PLBD2: variants seen among roughly 807,000 people sequenced by gnomAD.
The protein encoded by PLBD2 is phospholipase B domain containing 2, also known as putative aminopeptidase PLBD2.
In PLBD2, 51 loss-of-function variants were observed where a neutral mutation model predicts 68.3. The ratio of observed to expected loss-of-function variants is 0.75; its 90% confidence interval spans 0.60 to 0.94. The LOEUF (loss-of-function observed/expected upper bound fraction) is 0.94, where lower values mean the gene tolerates loss of function less well. Among genes scored for constraint, PLBD2 ranks in the 40% least tolerant of loss-of-function variants. The pLI, the probability that PLBD2 is intolerant of heterozygous loss-of-function variation, is 0.00. For synonymous variants in PLBD2, 314 were observed against 339.3 expected (o/e 0.93, Z 0.82); for missense variants, 729 against 792.2 (o/e 0.92, Z 0.96).
At chr12:113,359,325 C>T (rs1286676239) in intron 1 of PLBD2, 1 of 160,184 alleles carries the variant, frequency 6.2e-6, no homozygotes, top group Non-Finnish European at 1.4e-5. Flanking sequence ...GAGACTAATT[C>T]TTACCTGCTT....
At chr12:113,369,230 A>G (rs1957367632) in intron 2 of PLBD2, 21 bp downstream of exon 2, 2 of 1,567,556 alleles carry the variant, frequency 1.3e-6, no homozygotes, top group Admixed American at 1.9e-5. Flanking sequence ...AGGTGGGGAC[A>G]TGGGGCTCCC....
intron 2 of PLBD2, among the ~76,000 whole-genome samples, chr12:113,371,721 G>T (rs1957390365): frequency 6.6e-6 from 1 of 152,256 alleles, no homozygotes; most frequent in Admixed American, 6.5e-5. Context: ...CCTGAGGGAA[G>T]CATGTGCACC....
intron 10 of PLBD2, 102 bp downstream of exon 10, chr12:113,387,191 C>A: frequency 7.1e-7 from 1 of 1,418,262 alleles, no homozygotes; most frequent in Non-Finnish European, 9.3e-7. Context: ...TGCTGCCAGC[C>A]CCAGAGGGCC....
At chr12:113,381,925 C>A (rs140606499) in intron 6 of PLBD2, among the ~76,000 whole-genome samples, 1 of 152,100 alleles carries the variant, frequency 6.6e-6, no homozygotes, top group East Asian at 1.9e-4. Context: ...TGGGTTCAGG[C>A]GATCCTCCTG....
At chr12:113,381,702 G>C (rs753668213) in intron 6 of PLBD2, among the ~76,000 whole-genome samples, 4 of 151,710 alleles carry the variant, frequency 2.6e-5, no homozygotes, top group Non-Finnish European at 5.9e-5. Context: ...CCAGGAAAGG[G>C]TCTGGGCAGG....
At chr12:113,366,760 C>T (rs938321795) in intron 1 of PLBD2, among the ~76,000 whole-genome samples, 1 of 151,756 alleles carries the variant, frequency 6.6e-6, no homozygotes, top group African/African-American at 2.4e-5. Flanking sequence ...GCATCAGCCA[C>T]CTGGCCTCTC....
chr12:113,374,653 C>A, intron 4 of PLBD2, 79 bp downstream of exon 4: 2 of 1,454,998 alleles, frequency 1.4e-6, no homozygotes, highest in Non-Finnish European at 1.9e-6. Context: ...GTTCCAGCAT[C>A]AACCTTGCCA....
chr12:113,382,871 T>TG (rs1957509106), intron 6 of PLBD2, among the ~76,000 whole-genome samples: 1 of 126,896 alleles, frequency 7.9e-6, no homozygotes, highest in Non-Finnish European at 1.7e-5. Flanking sequence ...GTGTGTGTTT[T>TG]TTTTTTTTTT....
At chr12:113,374,323 TG>T in intron 3 of PLBD2, 150 bp from the exon 4 acceptor site, 1 of 608,688 alleles carries the variant, frequency 1.6e-6, no homozygotes, top group Non-Finnish European at 3.0e-6. Flanking sequence ...GGTGGTAGTT[TG>T]GGGGAGTCAA....
chr12:113,374,587 C>G lies in PLBD2; in HGVS notation c.644+13C>G, dbSNP rs761384034. 4 of 1,580,054 alleles carry G rather than the reference C, an allele frequency of 2.5e-6. No homozygotes were observed. The highest frequency in any genetic ancestry group is 3.4e-6 in the Non-Finnish European group (4 of 1,160,938). On this transcript the variant is annotated intron_variant, in intron 4 of 11. Transcript: ENST00000280800. ...CCTTGGGGTTCCTGTAAGTGCCACC[C>G]CCAGAGTGAACAGGGTGGGAAGAAG... is the stretch of plus-strand genomic sequence containing the variant.
intron 2 of PLBD2, among the ~76,000 whole-genome samples, chr12:113,371,613 A>G (rs1957389574): frequency 6.6e-6 from 1 of 152,230 alleles, no homozygotes; most frequent in South Asian, 2.1e-4. Flanking sequence ...TGCTGGGGAC[A>G]CTGAGGCAAG....
intron 5 of PLBD2, among the ~76,000 whole-genome samples, chr12:113,378,281 G>A (rs1299858459): frequency 6.7e-6 from 1 of 150,220 alleles, no homozygotes; most frequent in African/African-American, 2.5e-5. Context: ...AACAGAGTCG[G>A]CCTCTGTCTC....
At chr12:113,368,082 G>GAA (rs71086161) in intron 1 of PLBD2, among the ~76,000 whole-genome samples, 177 of 142,564 alleles carry the variant, frequency 1.2e-3, no homozygotes, top group African/African-American at 4.3e-3. Flanking sequence ...TCTGTCTCAG[G>GAA]AAAAAAAAAA....
intron 1 of PLBD2, among the ~76,000 whole-genome samples, chr12:113,366,030 AT>A (rs1441978876): frequency 2.0e-5 from 3 of 152,152 alleles, no homozygotes; most frequent in Non-Finnish European, 4.4e-5. Flanking sequence ...GATGAACATC[AT>A]TCATCCTTAG....
At chr12:113,379,343 T>G (rs1204779976) in intron 5 of PLBD2, among the ~76,000 whole-genome samples, 1 of 148,986 alleles carries the variant, frequency 6.7e-6, no homozygotes, top group East Asian at 2.0e-4. Flanking sequence ...CAAAGGATAA[T>G]TCAGAGAGCT....
At chr12:113,371,117 G>C (rs1033855573) in intron 2 of PLBD2, among the ~76,000 whole-genome samples, 1 of 152,224 alleles carries the variant, frequency 6.6e-6, no homozygotes, top group African/African-American at 2.4e-5. Flanking sequence ...AGGCTGTGGA[G>C]TGACAGCTGT....
chr12:113,386,170 T>TTTG (rs369696525), intron 9 of PLBD2, among the ~76,000 whole-genome samples: 14 of 151,714 alleles, frequency 9.2e-5, no homozygotes, highest in South Asian at 2.1e-4. Flanking sequence ...CATAGTTGGT[T>TTTG]TTGTTGTTGT....
intron 2 of PLBD2, among the ~76,000 whole-genome samples, chr12:113,369,507 A>G (rs1957370579): frequency 6.6e-6 from 1 of 152,210 alleles, no homozygotes; most frequent in Admixed American, 6.5e-5. Flanking sequence ...TAGCTTAACA[A>G]AAGTAAGGGA....
chr12:113,366,822 CCTT>C (rs1257410644), intron 1 of PLBD2, among the ~76,000 whole-genome samples: 1 of 147,412 alleles, frequency 6.8e-6, no homozygotes, highest in Non-Finnish European at 1.5e-5. Context: ...CCTTCCCTCC[CCTT>C]CTTTTTTCTT....
Sources: allele counts gnomAD v4.1 joint callset (sites outside exome capture counted in the v4.1 genomes callset), GRCh38; gene constraint gnomAD v4.1.1; transcripts MANE v1.5; gene names NCBI Gene and HGNC (gene_info 2026-07-23, HGNC 2026-07-21).